The following MUTYH variants were observed in gnomAD, a reference collection of about 807,000 sequenced individuals.
MUTYH encodes mutY DNA glycosylase.
Under a neutral mutation model 72.9 loss-of-function variants are expected in MUTYH, and 64 were observed. The ratio of observed to expected loss-of-function variants is 0.88; its 90% CI spans 0.72 to 1.08. The LOEUF (loss-of-function observed/expected upper bound fraction) is 1.08. MUTYH is among the 50% of genes least tolerant of loss of function. The probability of loss-of-function intolerance (pLI) is 0.00; values close to 1 mark genes in which losing one functional copy is unlikely to be tolerated. For synonymous variants in MUTYH, 234 were observed against 263.1 expected (o/e 0.89, Z 1.07); for missense variants, 633 against 671.0 (o/e 0.94, Z 0.63).
chr1:45,337,529 T>C (rs1646083026), intron 1 of MUTYH, among the ~76,000 whole-genome samples: 1 of 152,148 alleles, frequency 6.6e-6, no homozygotes, highest in African/African-American at 2.4e-5. Flanking sequence ...CCTTCCTTTT[T>C]TCCTTTTTCT....
rs1557493461 is a variant in MUTYH at position 45,334,518 on chromosome 1, C to CA, written c.-6-8dup. ...GTGGCTTCCTCATGATGGCCTGAAA[C>CA]AAAAAGACCCAGCCAAAGCAGTCAG... On this transcript the variant is annotated splice_region_variant and splice_polypyrimidine_tract_variant and intron_variant, in intron 1 of 15. Coordinates refer to ENST00000456914, the MANE Select transcript of MUTYH (RefSeq NM_001048174.2). The CA allele has an allele frequency of 2.5e-6, 4 of 1,613,992 alleles. No individual in the cohort carries two copies. The highest frequency in any genetic ancestry group is 2.5e-6 in the Non-Finnish European group (3 of 1,179,912).
At chr1:45,339,856 C>A (rs769355993) in intron 1 of MUTYH, 43 bp downstream of exon 1, 1 of 1,351,606 alleles carries the variant, frequency 7.4e-7, no homozygotes. Context: ...GCAGCGTCAC[C>A]TTCTCTGGAA....
At chr1:45,329,812 G>A (rs1229444329) in intron 15 of MUTYH, 2 of 215,680 alleles carry the variant, frequency 9.3e-6, no homozygotes, top group Non-Finnish European at 1.9e-5. Flanking sequence ...CTACTCTTGG[G>A]ACTGGAAAGA....
intron 1 of MUTYH, chr1:45,338,159 G>T (rs865979306): frequency 1.9e-6 from 1 of 514,402 alleles, no homozygotes; most frequent in Middle Eastern, 2.9e-4. Flanking sequence ...AACCAGATGA[G>T]GTGGGGAGAG....
intron 1 of MUTYH, chr1:45,338,407 T>C: frequency 2.3e-6 from 1 of 428,344 alleles, no homozygotes; most frequent in South Asian, 2.1e-5. Flanking sequence ...TCTTTTATGC[T>C]TTTACCTAAC....
At chr1:45,329,774 C>A in intron 15 of MUTYH, 1 of 306,334 alleles carries the variant, frequency 3.3e-6, no homozygotes, top group Non-Finnish European at 6.2e-6. Flanking sequence ...AGCACTGCAG[C>A]CTGCACTGGG....
At position 45,332,035 on chromosome 1, in the gene MUTYH, C is replaced by G. The variant is rs147718169; in HGVS notation, c.901G>C (p.Val301Leu). The G allele has an allele frequency of 1.9e-6, 3 of 1,614,232 alleles. No homozygotes were observed. The highest frequency in any genetic ancestry group is 1.3e-5 in the African/African-American group (1 of 75,062). The change falls in exon 11 of 16, where the codon GTG (valine) becomes CTG (leucine). Residue 301 changes from valine to leucine, a missense_variant. Physicochemically the swap from Val to Leu is conservative, Grantham distance 32 (BLOSUM62 1). Coordinates refer to ENST00000456914, the MANE Select transcript of MUTYH (RefSeq NM_001048174.2). ...GTTTGGTGCTCACCACACTCCTCCA[C>G]GTCAGGACTGCCCGACAGGCTCCCT... ...ASGSLSGSPD[V>L]EECAPNTGQC...
intron 14 of MUTYH, among the ~76,000 whole-genome samples, chr1:45,330,895 G>A (rs1644701296): frequency 6.6e-6 from 1 of 151,872 alleles, no homozygotes; most frequent in Admixed American, 6.6e-5. Context: ...GACCAGCCTG[G>A]CCAGCATGGT....
chr1:45,338,615 G>A (rs1030202728), intron 1 of MUTYH: 6 of 257,558 alleles, frequency 2.3e-5, no homozygotes, highest in Admixed American at 4.6e-5. Flanking sequence ...TGATTGGTGT[G>A]TGTCCAAAGT....
At chr1:45,336,533 C>T (rs1015681492) in intron 1 of MUTYH, among the ~76,000 whole-genome samples, 2 of 151,766 alleles carry the variant, frequency 1.3e-5, no homozygotes, top group Non-Finnish European at 2.9e-5. Context: ...TTGGTAATCT[C>T]CCCCCCACCC....
In MUTYH at chr1:45,332,070, A is replaced by G. The variant is rs878854195; in HGVS notation, c.866T>C (p.Leu289Pro). The G allele has an allele frequency of 1.2e-6, 2 of 1,614,160 alleles. No homozygotes were observed. Among genetic ancestry groups the G allele is most frequent in the Non-Finnish European group, 1.7e-6 (2 of 1,180,014 alleles). ...RARQRVEQEQ[L>P]LASGSLSGSP... ...GCCCGACAGGCTCCCTGAGGCTAAGAGCTGTTCCTGCTCCACCTGAGAGGC... is the reference window on the plus strand; with the variant it reads ...GCCCGACAGGCTCCCTGAGGCTAAGGGCTGTTCCTGCTCCACCTGAGAGGC... The change falls in exon 11 of 16, where the codon CTC becomes CCC. Residue 289 changes from leucine (L) to proline (P), a missense_variant. Leu to Pro is a moderately conservative substitution (Grantham distance 98). Transcript: ENST00000456914.
At position 45,332,235 on chromosome 1, in the gene MUTYH, T is replaced by C. The variant is rs1557470829; in HGVS notation, c.780A>G (p.Thr260=). The C allele has an allele frequency of 1.9e-6, 3 of 1,614,154 alleles. No homozygotes were observed. The highest frequency in any genetic ancestry group is 1.1e-5 in the South Asian group (1 of 91,086). ...FNQAAMELGA[T]VCTPQRPLCS... is the part of the protein sequence containing the mutation. ...ACAGTGGGCGCTGTGGGGTACACAC[T>C]GTGGCCCCTAGCTCCATGGCTGCTT... The change falls in exon 10 of 16, where the codon ACA becomes ACG. Residue 260 remains threonine, a synonymous_variant. Coordinates refer to ENST00000456914, the MANE Select transcript of MUTYH (RefSeq NM_001048174.2).
At position 45,333,339 on chromosome 1, in the gene MUTYH, C is replaced by T; in HGVS notation, c.265-15G>A. On this transcript the variant is annotated splice_polypyrimidine_tract_variant and intron_variant, in intron 3 of 15. Coordinates refer to ENST00000456914, the MANE Select transcript of MUTYH (RefSeq NM_001048174.2). ...TCATCTTCTGCCTGTCAATGCAACC[C>T]CAGATGAGGAGTTAGGGTGGAGGGG... is the stretch of plus-strand genomic sequence containing the variant. 6.2e-7 allele frequency: 1 copy of T among 1,614,216 alleles called. No individual in the cohort carries two copies.
Position 45,331,420 on chromosome 1 carries a change from C to T in MUTYH, c.1239G>A (p.Glu413=), listed in dbSNP as rs587782564. 1 of 1,614,258 alleles carries T rather than the reference C, an allele frequency of 6.2e-7. No homozygotes were observed. The highest frequency in any genetic ancestry group is 8.5e-7 in the Non-Finnish European group (1 of 1,180,046). The stretch of plus-strand genomic sequence containing the variant: ...CTTGGCTATTCCGCTGCTCACTTAC[C>T]TCCCCAAGGTGCCGGAGGTGCGTGG... ...LPATHLRHLG[E]VVHTFSHIKL... is the part of the protein sequence containing the mutation. Residue 413 remains glutamate (E), a splice_region_variant and synonymous_variant, in exon 13 of 16, where the codon GAG becomes GAA. Transcript: ENST00000456914.
rs75321043 is a variant in MUTYH, at chr1:45,334,474, C to T, written c.32G>A (p.Gly11Asp). Residue 11 changes from glycine (G) to aspartate (D), a missense_variant, in exon 2 of 16, where the codon GGT (glycine) becomes GAT (aspartate). By Grantham distance (94) the Gly-to-Asp change is moderately conservative. Coordinates refer to ENST00000456914, the MANE Select transcript of MUTYH (RefSeq NM_001048174.2). ...CTGGCTGGCTGCCTGCTTCCTGTGA[C>T]CACTTCCCACGGCTGCTCGTGGCTT... The part of the protein sequence containing the change: MRKPRAAVGS[G>D]HRKQAASQEG... 712 of 1,614,126 alleles carry T rather than the reference C, an allele frequency of 4.4e-4. 7 individuals carry two copies. In the East Asian group the frequency reaches 0.011, roughly 26 times the overall value.
intron 1 of MUTYH, among the ~76,000 whole-genome samples, chr1:45,337,452 T>C (rs1321790039): frequency 6.6e-6 from 1 of 152,122 alleles, no homozygotes. Context: ...CCACGGCGCC[T>C]GGTGACACCC....
intron 1 of MUTYH, chr1:45,339,638 G>C (rs146380711): frequency 1.6e-4 from 57 of 363,836 alleles, no homozygotes; most frequent in African/African-American, 1.2e-3. Flanking sequence ...TCACTTGATT[G>C]GATTATTACA....
At position 45,339,889 on chromosome 1, in the gene MUTYH, T is replaced by A; in HGVS notation, c.-7+10A>T. The A allele has an allele frequency of 2.2e-6, 3 of 1,392,760 alleles. No individual in the cohort carries two copies. Among genetic ancestry groups the A allele is most frequent in the Admixed American group, 2.1e-5 (1 of 47,310 alleles). The allele number at this position is 1,392,760 out of a possible 1,614,324, so 86.3% of individuals were successfully genotyped here. On this transcript the variant is annotated intron_variant, in intron 1 of 15. Transcript: ENST00000456914. The stretch of plus-strand genomic sequence containing the variant: ...GAAAGCCCAAACCCAGCCACCCCAC[T>A]ACCCGCTACCCGCGGCCCACGCTGA...
Position 45,331,705 on chromosome 1 carries a change from C to G in MUTYH, c.1058G>C (p.Gly353Ala). The G allele has an allele frequency of 6.2e-7, 1 of 1,614,156 alleles. No individual in the cohort carries two copies. The highest frequency in any genetic ancestry group is 8.5e-7 in the Non-Finnish European group (1 of 1,180,044). ...CAGCAGAATTTGGGCCCCAAGGGCC[C>G]CAGGCTGTTCCAGAACACAGGTGGC... ...SSATCVLEQPGALGAQILLVQ... is the reference protein window; with the variant it reads ...SSATCVLEQPAALGAQILLVQ... Residue 353 changes from glycine to alanine, a missense_variant, in exon 12 of 16, where the codon GGG (glycine) becomes GCG (alanine). By Grantham distance (60) the Gly-to-Ala change is moderately conservative. Coordinates refer to ENST00000456914, the MANE Select transcript of MUTYH (RefSeq NM_001048174.2).
Sources: allele counts gnomAD v4.1 joint callset (sites outside exome capture counted in the v4.1 genomes callset), GRCh38; gene constraint gnomAD v4.1.1; transcripts MANE v1.5; gene names NCBI Gene and HGNC (gene_info 2026-07-23, HGNC 2026-07-21).